STXBP3: variants seen among roughly 807,000 people sequenced by gnomAD.
STXBP3 encodes syntaxin-binding protein 3.
STXBP3 carries 41 observed loss-of-function variants against 85.7 expected under a neutral mutation model. The ratio of observed to expected loss-of-function variants is 0.48; its 90% CI spans 0.37 to 0.62. The LOEUF (loss-of-function observed/expected upper bound fraction) is 0.62, where lower values mean the gene tolerates loss of function less well. Among genes scored for constraint, STXBP3 ranks in the 20% least tolerant of loss-of-function variants. The pLI is 0.00. For synonymous variants in STXBP3, 229 were observed against 231.7 expected (o/e 0.99, Z 0.10); for missense variants, 563 against 703.1 (o/e 0.80, Z 2.25).
chr1:108,809,013 C>CAACA lies in STXBP3; in HGVS notation c.*136_*137insAACA. Reference sequence around the variant, plus strand: ...CTTTTCAAATACATTTCTTAAGGAACTGTTTATGATTATTACTGGATTTGT... The same window carrying CAACA: ...CTTTTCAAATACATTTCTTAAGGAACAACATGTTTATGATTATTACTGGATTTGT... On this transcript the variant is annotated 3_prime_UTR_variant, in exon 19 of 19. Coordinates refer to ENST00000370008, the MANE Select transcript of STXBP3 (RefSeq NM_007269.4). The CAACA allele has an allele frequency of 1.7e-6, 1 of 599,108 alleles. No homozygotes were observed. Among genetic ancestry groups the CAACA allele is most frequent in the Non-Finnish European group, 2.8e-6 (1 of 352,844 alleles). 37.1% of individuals were successfully genotyped at this position (599,108 alleles called of 1,614,324 possible).
At chr1:108,752,583 T>C (rs903064914) in intron 2 of STXBP3, among the ~76,000 whole-genome samples, 1 of 152,204 alleles carries the variant, frequency 6.6e-6, no homozygotes, top group South Asian at 2.1e-4. Context: ...ATCACACTGC[T>C]TGGCTCCAAA....
At position 108,746,801 on chromosome 1, in the gene STXBP3, G is replaced by A. The variant is rs751698115; in HGVS notation, c.49+15G>A. On this transcript the variant is annotated intron_variant, in intron 1 of 18. Coordinates refer to ENST00000370008, the MANE Select transcript of STXBP3 (RefSeq NM_007269.4). Reference sequence around the variant, plus strand: ...CGTGTGGCAGAGTGAGTGCGGTGGGGTAGGGGTTGAGAGAGGGAAGGCCGG... The same window carrying A: ...CGTGTGGCAGAGTGAGTGCGGTGGGATAGGGGTTGAGAGAGGGAAGGCCGG... 5 of 1,547,442 alleles carry A rather than the reference G, an allele frequency of 3.2e-6. No homozygotes were observed. The South Asian group carries it at 6.0e-5, about 18-fold the overall frequency.
chr1:108,797,414 C>CTT (rs1322961126), intron 15 of STXBP3, among the ~76,000 whole-genome samples: 28 of 135,144 alleles, frequency 2.1e-4, no homozygotes, highest in East Asian at 9.5e-4. Context: ...TCTTTCCCAT[C>CTT]TTTTTTTTTT....
chr1:108,776,280 T>A, intron 7 of STXBP3, 53 bp from the exon 8 acceptor site: 1 of 1,194,668 alleles, frequency 8.4e-7, no homozygotes, highest in Non-Finnish European at 1.2e-6. Flanking sequence ...CATGATATTA[T>A]AAAGTATACA....
chr1:108,796,761 G>GT, intron 15 of STXBP3, 35 bp downstream of exon 15: 1 of 1,505,742 alleles, frequency 6.6e-7, no homozygotes, highest in Non-Finnish European at 9.1e-7. Flanking sequence ...TACTTTATAT[G>GT]TATGTGTATG....
chr1:108,802,410 A>T (rs375218427), intron 17 of STXBP3, among the ~76,000 whole-genome samples: 160 of 152,138 alleles, frequency 1.1e-3, no homozygotes, highest in Middle Eastern at 3.4e-3. Flanking sequence ...TTAATTAATT[A>T]ATTAATTTAT....
rs534414443 is a variant in STXBP3, at chr1:108,798,472, G to C, written c.1449+235G>C. Among the ~76,000 whole-genome samples, 3 of 144,742 alleles carry C rather than the reference G, an allele frequency of 2.1e-5. No homozygotes were observed. In the South Asian group the frequency reaches 6.6e-4, roughly 32 times the overall value. The allele number at this position is 144,742 out of a possible 152,430, so 95.0% of individuals were successfully genotyped here. On this transcript the variant is annotated intron_variant, in intron 16 of 18. Coordinates refer to ENST00000370008, the MANE Select transcript of STXBP3 (RefSeq NM_007269.4). ...ACTCTATCACCCAGGCTGGAGTGCAGTGGCACAGTCTTGGCTCACTGCAAC... is the reference window on the plus strand; with the variant it reads ...ACTCTATCACCCAGGCTGGAGTGCACTGGCACAGTCTTGGCTCACTGCAAC...
At chr1:108,772,589 A>G (rs1623641) in intron 6 of STXBP3, 76 bp from the exon 7 acceptor site, 460,848 of 601,990 alleles carry the variant, frequency 0.77, 180,856 homozygotes, top group Non-Finnish European at 0.8. Flanking sequence ...TACATTATAT[A>G]TAACATAAAT....
chr1:108,770,136 TAAAAA>T (rs1410545970), intron 6 of STXBP3, among the ~76,000 whole-genome samples: 1 of 151,536 alleles, frequency 6.6e-6, no homozygotes, highest in Admixed American at 6.6e-5. Flanking sequence ...CAAAGAAACT[TAAAAA>T]AGGAATTAGC....
Position 108,793,157 on chromosome 1 carries a change from A to ATTTTTTTTTCTTTTTTTTTTTTTTT in STXBP3, c.964-416_964-415insCTTTTTTTTTTTTTTTTTTTTTTTT, listed in dbSNP as rs751400870. On this transcript the variant is annotated intron_variant, in intron 11 of 18. Coordinates refer to ENST00000370008, the MANE Select transcript of STXBP3 (RefSeq NM_007269.4). ...CTCACAGCCCCAAGCTCTTATCTCC[A>ATTTTTTTTTCTTTTTTTTTTTTTTT]TTTTTTTTTTTTTTTTTTTTTTTTT... 2.4e-4 allele frequency among the ~76,000 whole-genome samples: 16 copies of ATTTTTTTTTCTTTTTTTTTTTTTTT among 67,502 alleles called. 2 individuals are homozygous for ATTTTTTTTTCTTTTTTTTTTTTTTT. Among genetic ancestry groups the ATTTTTTTTTCTTTTTTTTTTTTTTT allele is most frequent in the East Asian group, 9.3e-4 (2 of 2,154 alleles). The allele number at this position is 67,502 out of a possible 152,430, so 44.3% of individuals were successfully genotyped here. A position where few individuals can be genotyped will look rare whatever the true frequency, so the allele number is the denominator to read the frequency against.
At chr1:108,770,879 G>A (rs989387903) in intron 6 of STXBP3, among the ~76,000 whole-genome samples, 1 of 152,028 alleles carries the variant, frequency 6.6e-6, no homozygotes, top group East Asian at 1.9e-4. Flanking sequence ...CTGTACATAC[G>A]TACAGTAAGA....
intron 17 of STXBP3, among the ~76,000 whole-genome samples, chr1:108,803,255 C>T (rs775950570): frequency 1.3e-4 from 20 of 152,182 alleles, no homozygotes; most frequent in Non-Finnish European, 2.4e-4. Context: ...ATACAAGAAC[C>T]TTAGACCAAC....
At chr1:108,750,941 G>A (rs1198464789) in intron 1 of STXBP3, among the ~76,000 whole-genome samples, 2 of 152,078 alleles carry the variant, frequency 1.3e-5, no homozygotes, top group African/African-American at 4.8e-5. Flanking sequence ...CATAGGGTAA[G>A]GTCAAAAAAG....
chr1:108,747,110 G>GCTGCGCTCCCCACTCTTCTCCGCTCCCGT (rs1553194442), intron 1 of STXBP3, among the ~76,000 whole-genome samples: 1 of 147,394 alleles, frequency 6.8e-6, no homozygotes, highest in Admixed American at 6.7e-5. Context: ...CGTGCCCTCG[G>GCTGCGCTCCCCACTCTTCTCCGCTCCCGT]CCGCGCTCCC....
chr1:108,808,843 C>T lies in STXBP3; in HGVS notation c.1745C>T (p.Pro582Leu), dbSNP rs1557818402. 6.2e-7 allele frequency: 1 copy of T among 1,612,618 alleles called. No homozygotes were observed. The highest frequency in any genetic ancestry group is 8.5e-7 in the Non-Finnish European group (1 of 1,179,446). The stretch of plus-strand genomic sequence containing the variant: ...GATGATATAAAGATGCTGAATAAAC[C>T]CAAGGATAAAGTCTCCTTAATTAAA... ...LLDDIKMLNK[P>L]KDKVSLIKDE The change falls in exon 19 of 19, where the codon CCC becomes CTC. Residue 582 changes from proline (P) to leucine (L), a missense_variant. Physicochemically the swap from Pro to Leu is moderately conservative, Grantham distance 98. Coordinates refer to ENST00000370008, the MANE Select transcript of STXBP3 (RefSeq NM_007269.4).
At chr1:108,789,686 T>C (rs1370802050) in intron 11 of STXBP3, among the ~76,000 whole-genome samples, 1 of 152,206 alleles carries the variant, frequency 6.6e-6, no homozygotes, top group Non-Finnish European at 1.5e-5. Flanking sequence ...TTTCTAGTTA[T>C]CTTTCTGTTA....
At chr1:108,756,873 T>C (rs761134686) in intron 4 of STXBP3, 107 bp downstream of exon 4, 2 of 773,172 alleles carry the variant, frequency 2.6e-6, no homozygotes, top group Non-Finnish European at 3.8e-6. Flanking sequence ...TAGAAAAATA[T>C]TGCCATAAAC....
chr1:108,796,544 T>C, intron 14 of STXBP3, 76 bp from the exon 15 acceptor site: 3 of 1,324,210 alleles, frequency 2.3e-6, no homozygotes, highest in Admixed American at 2.3e-5. Flanking sequence ...GCTTCATTCA[T>C]GGGTACTACC....
rs778775611 is a variant in STXBP3 at position 108,758,470 on chromosome 1, TA to T, written c.259-39del. ...TCAAAAGGTAACATATTTAAATTAA[TA>T]TTTAATAAAATGTGTATTAACATCT... On this transcript the variant is annotated intron_variant, in intron 4 of 18. Transcript: ENST00000370008. The T allele has an allele frequency of 3.0e-6, 3 of 1,014,714 alleles. No homozygotes were observed. In the South Asian group the frequency reaches 5.9e-5, roughly 20 times the overall value. 62.9% of individuals were successfully genotyped at this position (1,014,714 alleles called of 1,614,324 possible). A position where few individuals can be genotyped will look rare whatever the true frequency, so the allele number is the denominator to read the frequency against.
Sources: gnomAD v4.1 joint callset for allele counts (sites outside exome capture counted in the v4.1 genomes callset) on GRCh38, gnomAD v4.1.1 for gene constraint, MANE v1.5 for transcripts, NCBI Gene and HGNC (gene_info 2026-07-23, HGNC 2026-07-21) for gene names.